Variants in UCK2 observed in about 807,000 individuals in gnomAD.
UCK2 encodes the protein uridine-cytidine kinase 2.
UCK2 carries 6 observed loss-of-function variants against 30.8 expected under a neutral mutation model. The ratio of observed to expected loss-of-function variants is 0.19; its 90% CI spans 0.11 to 0.38. UCK2 has a LOEUF of 0.38. Among genes scored for constraint, UCK2 ranks in the 10% least tolerant of loss-of-function variants. The pLI is 1.00. For synonymous variants in UCK2, 125 were observed against 133.6 expected, an observed-to-expected ratio of 0.94 and a Z score of 0.45; for missense variants, 210 against 339.8, an observed-to-expected ratio of 0.62 and a Z score of 3.00.
At chr1:165,904,379 T>C (rs1209884118) in intron 5 of UCK2, among the ~76,000 whole-genome samples, 1 of 152,108 alleles carries the variant, frequency 6.6e-6, no homozygotes, top group Non-Finnish European at 1.5e-5. Flanking sequence ...CTGGAGACTA[T>C]TGAGTTACAA....
intron 1 of UCK2, among the ~76,000 whole-genome samples, chr1:165,889,077 A>T (rs150517192): frequency 6.6e-6 from 1 of 152,154 alleles, no homozygotes; most frequent in African/African-American, 2.4e-5. Context: ...TGTAGGTTTG[A>T]GTTCATTTGG....
intron 1 of UCK2, among the ~76,000 whole-genome samples, chr1:165,840,845 C>A (rs1299244770): frequency 6.6e-6 from 1 of 152,012 alleles, no homozygotes; most frequent in Non-Finnish European, 1.5e-5. Flanking sequence ...TTATTAGCAT[C>A]TTTTTAAAAA....
In UCK2 at chr1:165,895,971, G is replaced by C. The variant is rs529607261; in HGVS notation, c.357-219G>C. 1.0e-4 allele frequency: 56 copies of C among 544,992 alleles called. 1 individual carries two copies. In the South Asian group the frequency reaches 1.4e-3, roughly 13 times the overall value. The allele number at this position is 544,992 out of a possible 1,614,324, so 33.8% of individuals were successfully genotyped here. A position where few individuals can be genotyped will look rare whatever the true frequency, so the allele number is the denominator to read the frequency against. ...TGTTTCATGGTGAAAGCTCAGAAGTGGTCAAAGGAGACCTTTGTCCCGGCC... is the reference window on the plus strand; with the variant it reads ...TGTTTCATGGTGAAAGCTCAGAAGTCGTCAAAGGAGACCTTTGTCCCGGCC... On this transcript the variant is annotated intron_variant, in intron 3 of 6. Transcript: ENST00000367879.
At chr1:165,866,561 G>C (rs1655052321) in intron 1 of UCK2, among the ~76,000 whole-genome samples, 1 of 152,092 alleles carries the variant, frequency 6.6e-6, no homozygotes, top group Non-Finnish European at 1.5e-5. Context: ...TTATTTTCAA[G>C]TTTACAGTTC....
intron 1 of UCK2, among the ~76,000 whole-genome samples, chr1:165,855,648 A>G (rs536470427): frequency 1.3e-5 from 2 of 151,504 alleles, no homozygotes; most frequent in Non-Finnish European, 2.9e-5. Context: ...AATATGTGCT[A>G]CTTGAATCTT....
intron 2 of UCK2, 31 bp downstream of exon 2, chr1:165,890,394 T>TTG (rs757164100): frequency 4.1e-5 from 65 of 1,600,976 alleles, no homozygotes; most frequent in Non-Finnish European, 5.2e-5. Flanking sequence ...GGTATGTATC[T>TTG]GTATTGGTGT....
chr1:165,899,630 C>T (rs1163594585), intron 4 of UCK2, among the ~76,000 whole-genome samples: 1 of 152,236 alleles, frequency 6.6e-6, no homozygotes, highest in East Asian at 1.9e-4. Flanking sequence ...TTGTAGCTTC[C>T]TGCCCTGTAC....
chr1:165,865,662 A>G (rs1417351196), intron 1 of UCK2, among the ~76,000 whole-genome samples: 2 of 152,112 alleles, frequency 1.3e-5, no homozygotes, highest in Non-Finnish European at 2.9e-5. Context: ...TTGCACTAGG[A>G]CGCTCTTCAA....
chr1:165,884,538 T>G (rs1655573918), intron 1 of UCK2, among the ~76,000 whole-genome samples: 1 of 152,234 alleles, frequency 6.6e-6, no homozygotes, highest in Admixed American at 6.5e-5. Context: ...AGGCTTGGGC[T>G]ATGTCAGGTT....
At chr1:165,879,634 C>G (rs1277210977) in intron 1 of UCK2, among the ~76,000 whole-genome samples, 2 of 151,578 alleles carry the variant, frequency 1.3e-5, no homozygotes, top group Non-Finnish European at 2.9e-5. Context: ...ACTTACTCCT[C>G]CTTATACAGT....
intron 2 of UCK2, 126 bp downstream of exon 2, chr1:165,890,489 A>G: frequency 1.1e-6 from 1 of 930,480 alleles, no homozygotes; most frequent in South Asian, 1.6e-5. Context: ...TAGGGACTTG[A>G]TAACTACCTT....
intron 4 of UCK2, chr1:165,900,777 G>A (rs1314600740): frequency 6.6e-6 from 1 of 152,370 alleles, no homozygotes; most frequent in Non-Finnish European, 1.5e-5. Context: ...CTGGGAGAAG[G>A]ACAAAGCTTC....
intron 1 of UCK2, among the ~76,000 whole-genome samples, chr1:165,877,642 G>T (rs73029487): frequency 6.6e-6 from 1 of 152,162 alleles, no homozygotes; most frequent in Non-Finnish European, 1.5e-5. Context: ...TGGATATACC[G>T]TAGTTTAACC....
chr1:165,863,332 CAT>C (rs1224858847), intron 1 of UCK2, among the ~76,000 whole-genome samples: 1 of 152,204 alleles, frequency 6.6e-6, no homozygotes, highest in Non-Finnish European at 1.5e-5. Flanking sequence ...GCTTCAGAAA[CAT>C]AGACTTTTCT....
rs1238896354 is a variant in UCK2, at chr1:165,907,790, G to A, written c.753G>A (p.Arg251=). ...CLNGYTPSRK[R]QASESSSRPH is the part of the protein sequence containing the mutation. ...ACGGCTACACCCCTTCACGCAAGAGGCAGGCATCGGAGTCCAGCAGCAGGC... is the reference window on the plus strand; with the variant it reads ...ACGGCTACACCCCTTCACGCAAGAGACAGGCATCGGAGTCCAGCAGCAGGC... Residue 251 remains arginine, a synonymous_variant, in exon 7 of 7, where the codon AGG becomes AGA. Coordinates refer to ENST00000367879, the MANE Select transcript of UCK2 (RefSeq NM_012474.5). 1.2e-6 allele frequency: 2 copies of A among 1,614,158 alleles called. No homozygotes were observed. The highest frequency in any genetic ancestry group is 3.3e-5 in the Admixed American group (2 of 60,022).
intron 1 of UCK2, among the ~76,000 whole-genome samples, chr1:165,843,443 G>GGC (rs1654376968): frequency 6.6e-6 from 1 of 152,178 alleles, no homozygotes; most frequent in Non-Finnish European, 1.5e-5. Flanking sequence ...TTTGAGGGAT[G>GGC]GCACAGGCTT....
intron 1 of UCK2, among the ~76,000 whole-genome samples, chr1:165,842,883 A>T (rs6702462): frequency 6.6e-6 from 1 of 151,964 alleles, no homozygotes; most frequent in South Asian, 2.1e-4. Context: ...GGTCCTCCCC[A>T]ACCCTGAGTT....
intron 1 of UCK2, among the ~76,000 whole-genome samples, chr1:165,880,083 T>TTGTGCTGTTACATCCACATTAA: frequency 6.6e-6 from 1 of 152,232 alleles, no homozygotes; most frequent in East Asian, 1.9e-4. Flanking sequence ...CAAAGCACTG[T>TTGTGCTGTTACATCCACATTAA]TGTGCTGTTA....
chr1:165,907,969 T>C lies in UCK2; in HGVS notation c.*146T>C. 1 of 1,224,104 alleles carries C rather than the reference T, an allele frequency of 8.2e-7. No individual in the cohort carries two copies. The highest frequency in any genetic ancestry group is 1.1e-6 in the Non-Finnish European group (1 of 914,328). 75.8% of individuals were successfully genotyped at this position (1,224,104 alleles called of 1,614,324 possible). A position where few individuals can be genotyped will look rare whatever the true frequency, so the allele number is the denominator to read the frequency against. On this transcript the variant is annotated 3_prime_UTR_variant, in exon 7 of 7. Coordinates refer to ENST00000367879, the MANE Select transcript of UCK2 (RefSeq NM_012474.5). ...TGAAATGCCTTTGATTTTTTTTTTC[T>C]TTTTGTACTTTGGAACGACAAAATG...
Sources: allele counts gnomAD v4.1 joint callset (sites outside exome capture counted in the v4.1 genomes callset), GRCh38; gene constraint gnomAD v4.1.1; transcripts MANE v1.5; gene names NCBI Gene and HGNC (gene_info 2026-07-23, HGNC 2026-07-21).